The following AUH variants were observed in gnomAD, a reference collection of about 807,000 sequenced individuals.
The protein encoded by AUH is AU RNA binding methylglutaconyl-CoA hydratase.
A neutral mutation model predicts 42.3 loss-of-function variants in AUH; 29 were observed. The observed-to-expected ratio is 0.69, with a 90% CI of 0.51 to 0.93. AUH has a LOEUF of 0.93. Among genes scored for constraint, AUH ranks in the 40% least tolerant of loss-of-function variants. AUH has a pLI of 0.00. For synonymous variants in AUH, 174 were observed against 166.4 expected, an observed-to-expected ratio of 1.05 and a Z score of -0.35; for missense variants, 452 against 438.1, an observed-to-expected ratio of 1.03 and a Z score of -0.28.
Position 91,214,224 on chromosome 9 carries a change from G to A in AUH, c.*124C>T, listed in dbSNP as rs139219522. 8.6e-5 allele frequency: 68 copies of A among 791,978 alleles called. 1 individual carries two copies. The highest frequency in any genetic ancestry group is 6.0e-4 in the African/African-American group (35 of 58,758). The allele number at this position is 791,978 out of a possible 1,614,324, so 49.1% of individuals were successfully genotyped here. ...GTCCATTCCAGATGCTTATTACACC[G>A]TATGAATAATCTGCTCTTCACTTTG... On this transcript the variant is annotated 3_prime_UTR_variant, in exon 10 of 10. Transcript: ENST00000375731.
chr9:91,292,876 G>C (rs541849020), intron 6 of AUH, among the ~76,000 whole-genome samples: 6 of 152,116 alleles, frequency 3.9e-5, no homozygotes, highest in Non-Finnish European at 7.4e-5. Context: ...CCTGCATCAA[G>C]CAAGTCTATT....
chr9:91,349,084 T>A (rs912589631), intron 3 of AUH, among the ~76,000 whole-genome samples: 8 of 152,200 alleles, frequency 5.3e-5, no homozygotes, highest in African/African-American at 1.7e-4. Context: ...AATCTAAGAT[T>A]CTGAAACAAC....
At chr9:91,318,256 T>C (rs1419296887) in intron 4 of AUH, among the ~76,000 whole-genome samples, 1 of 152,224 alleles carries the variant, frequency 6.6e-6, no homozygotes, top group African/African-American at 2.4e-5. Context: ...ACTATAAGAA[T>C]TGGTTGATCA....
In AUH at chr9:91,219,080, C is replaced by T. The variant is rs542598109; in HGVS notation, c.843+1725G>A. On this transcript the variant is annotated intron_variant, in intron 7 of 9. Coordinates refer to ENST00000375731, the MANE Select transcript of AUH (RefSeq NM_001698.3). Reference sequence around the variant, plus strand: ...GGTAACCACACAATGGGATGCGGCTCGACACACTGGCAGTGGAAGGAGGGA... The same window carrying T: ...GGTAACCACACAATGGGATGCGGCTTGACACACTGGCAGTGGAAGGAGGGA... 27 of 965,764 alleles carry T rather than the reference C, an allele frequency of 2.8e-5. No individual in the cohort carries two copies. The East Asian group carries it at 1.6e-3, about 58-fold the overall frequency. The allele number at this position is 965,764 out of a possible 1,614,324, so 59.8% of individuals were successfully genotyped here.
chr9:91,227,866 C>A (rs1338761699), intron 6 of AUH, among the ~76,000 whole-genome samples: 1 of 151,480 alleles, frequency 6.6e-6, no homozygotes, highest in African/African-American at 2.4e-5. Context: ...TATTGATTTG[C>A]GTATATTGAA....
At chr9:91,223,996 G>A (rs565607997) in intron 6 of AUH, among the ~76,000 whole-genome samples, 1 of 152,244 alleles carries the variant, frequency 6.6e-6, no homozygotes, top group African/African-American at 2.4e-5. Context: ...CTTACACATT[G>A]TTACATTTCT....
chr9:91,291,404 G>C (rs1242838590), intron 6 of AUH, among the ~76,000 whole-genome samples: 3 of 152,084 alleles, frequency 2.0e-5, no homozygotes, highest in Non-Finnish European at 2.9e-5. Context: ...ACCAACAAAT[G>C]CTTACTTCTC....
At chr9:91,304,311 A>C (rs1483940867) in intron 4 of AUH, among the ~76,000 whole-genome samples, 3 of 152,214 alleles carry the variant, frequency 2.0e-5, no homozygotes, top group Admixed American at 2.0e-4. Flanking sequence ...GACTAAATTT[A>C]CTTTTTTACT....
In AUH at chr9:91,282,211, A is replaced by C. The variant is rs539490833; in HGVS notation, c.655+13810T>G. ...TTTTGACTGACATGCTTTTCCTCAG[A>C]TCTGTATGATTAATTTCCTCAACTC... On this transcript the variant is annotated intron_variant, in intron 6 of 9. Coordinates refer to ENST00000375731, the MANE Select transcript of AUH (RefSeq NM_001698.3). Among the ~76,000 whole-genome samples the C allele has an allele frequency of 4.6e-5, 7 of 152,110 alleles. No individual in the cohort carries two copies. The East Asian group carries it at 1.4e-3, about 29-fold the overall frequency.
chr9:91,216,241 A>C, intron 8 of AUH, 135 bp from the exon 9 acceptor site: 1 of 897,840 alleles, frequency 1.1e-6, no homozygotes, highest in Non-Finnish European at 1.8e-6. Flanking sequence ...TCAGAGTGTG[A>C]CCAACATGAG....
In AUH at chr9:91,298,047, T is replaced by C. The variant is rs776023761; in HGVS notation, c.535A>G (p.Ile179Val). ...CCACCACCTAAAGCGAGTCCATCTA[T>C]TGCTGCAATTGTTGGTACTGGAAGA... ...ANLPVPTIAA[I>V]DGLALGGGLE... The change falls in exon 5 of 10, where the codon ATA becomes GTA. Residue 179 changes from isoleucine (I) to valine (V), a missense_variant. Transcript: ENST00000375731. 3.0e-5 allele frequency: 49 copies of C among 1,613,832 alleles called. No homozygotes were observed. Among genetic ancestry groups the C allele is most frequent in the Non-Finnish European group, 3.3e-5 (39 of 1,179,866 alleles).
At chr9:91,218,646 A>G (rs751911199) in intron 7 of AUH, 2 of 985,424 alleles carry the variant, frequency 2.0e-6, no homozygotes, top group African/African-American at 3.5e-5. Flanking sequence ...TCAAAATGCT[A>G]TTAGAAATAG....
At chr9:91,273,208 G>C (rs1825291820) in intron 6 of AUH, among the ~76,000 whole-genome samples, 1 of 152,212 alleles carries the variant, frequency 6.6e-6, no homozygotes, top group Admixed American at 6.5e-5. Flanking sequence ...CCTGGGCAGA[G>C]ACAAAGCTGC....
Position 91,214,395 on chromosome 9 carries a change from G to C in AUH, c.973C>G (p.Leu325Val), listed in dbSNP as rs1211253373. 86 of 1,610,022 alleles carry C rather than the reference G, an allele frequency of 5.3e-5. No individual in the cohort carries two copies. Among genetic ancestry groups the C allele is most frequent in the Non-Finnish European group, 7.0e-5 (83 of 1,178,216 alleles). Residue 325 changes from leucine to valine, a missense_variant, in exon 10 of 10, where the codon CTT (leucine) becomes GTT (valine). Leu to Val is a conservative substitution (Grantham distance 32). Transcript: ENST00000375731. The stretch of plus-strand genomic sequence containing the variant: ...GGCCTTTTCTCTTTAAAAGCAAGAA[G>C]ACCTTCAAGTCTGTCTTTTGTTGGA... ...TIPTKDRLEG[L>V]LAFKEKRPPR...
intron 3 of AUH, among the ~76,000 whole-genome samples, chr9:91,339,286 T>C (rs1830923948): frequency 1.3e-5 from 2 of 152,184 alleles, no homozygotes; most frequent in African/African-American, 4.8e-5. Context: ...CCATCGTAAA[T>C]TGAAAAATCG....
chr9:91,284,974 G>C (rs1036652697), intron 6 of AUH, among the ~76,000 whole-genome samples: 3 of 152,158 alleles, frequency 2.0e-5, no homozygotes, highest in African/African-American at 2.4e-5. Context: ...ACACCCAAAG[G>C]ATTATAAATC....
intron 3 of AUH, among the ~76,000 whole-genome samples, chr9:91,340,369 A>G (rs1195574412): frequency 6.6e-6 from 1 of 152,252 alleles, no homozygotes; most frequent in Non-Finnish European, 1.5e-5. Flanking sequence ...AACAAACATA[A>G]TATCCATTAA....
chr9:91,272,065 T>C (rs551138519), intron 6 of AUH, among the ~76,000 whole-genome samples: 4 of 152,310 alleles, frequency 2.6e-5, no homozygotes, highest in Admixed American at 2.6e-4. Flanking sequence ...TCAAATGCTT[T>C]TGTATGTTAA....
At chr9:91,336,163 T>G (rs960576880) in intron 3 of AUH, among the ~76,000 whole-genome samples, 16 of 152,104 alleles carry the variant, frequency 1.1e-4, no homozygotes, top group African/African-American at 3.9e-4. Flanking sequence ...AATTTAAACA[T>G]AAAAAACCCA....
Sources: allele counts gnomAD v4.1 joint callset (sites outside exome capture counted in the v4.1 genomes callset), GRCh38; gene constraint gnomAD v4.1.1; transcripts MANE v1.5; gene names NCBI Gene and HGNC (gene_info 2026-07-23, HGNC 2026-07-21).